The following RHBDL3 variants were observed in gnomAD, a reference collection of about 807,000 sequenced individuals.
RHBDL3 encodes the protein rhomboid-related protein 3.
RHBDL3 carries 28 observed loss-of-function variants against 48.2 expected under a neutral mutation model. The observed-to-expected ratio is 0.58, with a 90% CI of 0.43 to 0.80. The LOEUF is 0.80. RHBDL3 is among the 30% of genes least tolerant of loss of function. The pLI, the probability that RHBDL3 is intolerant of heterozygous loss-of-function variation, is 0.00. For synonymous variants in RHBDL3, 208 were observed against 232.3 expected (o/e 0.90, Z 0.95); for missense variants, 464 against 542.7 (o/e 0.85, Z 1.44).
chr17:32,272,718 AT>A (rs1412831865), intron 2 of RHBDL3, among the ~76,000 whole-genome samples: 2 of 152,182 alleles, frequency 1.3e-5, no homozygotes, highest in African/African-American at 2.4e-5. Flanking sequence ...AATGCATTTG[AT>A]TGCTTTGGGC....
chr17:32,296,021 T>G (rs2040436978), intron 5 of RHBDL3, among the ~76,000 whole-genome samples: 1 of 151,720 alleles, frequency 6.6e-6, no homozygotes, highest in Admixed American at 6.6e-5. Context: ...GGTCAGGAGA[T>G]CAAGACCATC....
chr17:32,268,298 C>T (rs2039685698), intron 2 of RHBDL3, among the ~76,000 whole-genome samples: 1 of 152,202 alleles, frequency 6.6e-6, no homozygotes, highest in South Asian at 2.1e-4. Flanking sequence ...TTTCTACCTC[C>T]ACTATGGAGG....
chr17:32,324,276 C>T lies in RHBDL3; in HGVS notation c.*3047C>T, dbSNP rs2150768798. On this transcript the variant is annotated 3_prime_UTR_variant, in exon 9 of 9. Coordinates refer to ENST00000269051, the MANE Select transcript of RHBDL3 (RefSeq NM_138328.3). ...AAAGCTCCCTAATGAGGCTCTTTTGCCAGCTAATAGGACTCTCGATTTCCA... is the reference window on the plus strand; with the variant it reads ...AAAGCTCCCTAATGAGGCTCTTTTGTCAGCTAATAGGACTCTCGATTTCCA... 1 of 152,736 alleles carries T rather than the reference C, an allele frequency of 6.5e-6. No individual in the cohort carries two copies. The highest frequency in any genetic ancestry group is 2.1e-4 in the South Asian group (1 of 4,826). 9.5% of individuals were successfully genotyped at this position (152,736 alleles called of 1,614,324 possible).
intron 7 of RHBDL3, among the ~76,000 whole-genome samples, chr17:32,305,904 T>G (rs1013315299): frequency 1.5e-5 from 2 of 132,184 alleles, no homozygotes; most frequent in South Asian, 2.4e-4. Context: ...GGGGAGAGAG[T>G]GAGATTCTTT....
chr17:32,301,057 T>C (rs1296272865), intron 6 of RHBDL3, among the ~76,000 whole-genome samples: 1 of 152,088 alleles, frequency 6.6e-6, no homozygotes, highest in Non-Finnish European at 1.5e-5. Flanking sequence ...TTTTTTTGTA[T>C]TTTTAGTAGA....
intron 7 of RHBDL3, among the ~76,000 whole-genome samples, chr17:32,306,713 G>A (rs542877104): frequency 4.3e-4 from 65 of 152,146 alleles, no homozygotes; most frequent in Non-Finnish European, 8.4e-4. Flanking sequence ...TTGAGTTCAG[G>A]AGTTCAAGAC....
At chr17:32,308,993 G>C (rs1323478958) in intron 7 of RHBDL3, among the ~76,000 whole-genome samples, 1 of 150,986 alleles carries the variant, frequency 6.6e-6, no homozygotes, top group African/African-American at 2.4e-5. Context: ...TTGAACCTAG[G>C]AGGCAGAGGT....
At chr17:32,317,160 A>G (rs2040996041) in intron 8 of RHBDL3, among the ~76,000 whole-genome samples, 2 of 152,200 alleles carry the variant, frequency 1.3e-5, no homozygotes, top group African/African-American at 4.8e-5. Context: ...GGCATGAGCC[A>G]CCATGCCTGG....
At chr17:32,267,437 G>GGA (rs1428616993) in intron 1 of RHBDL3, among the ~76,000 whole-genome samples, 4 of 142,232 alleles carry the variant, frequency 2.8e-5, no homozygotes, top group Non-Finnish European at 6.2e-5. Context: ...TCCTGGGGGG[G>GGA]GAGGGGGGGG....
chr17:32,275,032 C>T (rs2039863165), intron 2 of RHBDL3, among the ~76,000 whole-genome samples: 1 of 152,166 alleles, frequency 6.6e-6, no homozygotes, highest in African/African-American at 2.4e-5. Context: ...TTGCTCCCCT[C>T]CTTCTCCCTG....
intron 2 of RHBDL3, among the ~76,000 whole-genome samples, chr17:32,283,463 A>G (rs1016024890): frequency 1.3e-5 from 2 of 151,702 alleles, no homozygotes; most frequent in East Asian, 2.0e-4. Context: ...AGCTGGGACT[A>G]CAGGCGCACA....
intron 8 of RHBDL3, 102 bp downstream of exon 8, chr17:32,316,394 A>G: frequency 1.2e-6 from 1 of 832,614 alleles, no homozygotes; most frequent in Non-Finnish European, 2.0e-6. Context: ...GTCAAGAAAA[A>G]AAAAGTGGGA....
intron 2 of RHBDL3, among the ~76,000 whole-genome samples, chr17:32,269,745 ATCAT>A (rs1373217670): frequency 2.0e-5 from 3 of 152,234 alleles, no homozygotes. Flanking sequence ...AACAAAGTGT[ATCAT>A]TCTTTTTTTT....
intron 5 of RHBDL3, among the ~76,000 whole-genome samples, chr17:32,296,099 G>A (rs1193263272): frequency 6.6e-6 from 1 of 151,662 alleles, no homozygotes; most frequent in Non-Finnish European, 1.5e-5. Context: ...CTGGTGGCAG[G>A]CGCCTGTAGT....
At chr17:32,281,729 G>A (rs990285258) in intron 2 of RHBDL3, among the ~76,000 whole-genome samples, 5 of 152,214 alleles carry the variant, frequency 3.3e-5, no homozygotes, top group Admixed American at 2.0e-4. Flanking sequence ...CAATGGAGGA[G>A]GTCAGAGCTG....
chr17:32,312,411 G>A (rs1033378709), intron 7 of RHBDL3, among the ~76,000 whole-genome samples: 1 of 151,990 alleles, frequency 6.6e-6, no homozygotes, highest in Admixed American at 6.6e-5. Context: ...CTCCAGCCTG[G>A]GCAATAGAGT....
intron 1 of RHBDL3, 116 bp downstream of exon 1, chr17:32,266,416 C>T: frequency 2.0e-6 from 1 of 495,944 alleles, no homozygotes; most frequent in Non-Finnish European, 3.3e-6. Flanking sequence ...GGGAGCGCCC[C>T]GGATTGGCCG....
At chr17:32,320,910 C>T in intron 8 of RHBDL3, 48 bp from the exon 9 acceptor site, 1 of 1,418,486 alleles carries the variant, frequency 7.0e-7, no homozygotes, top group Non-Finnish European at 9.9e-7. Flanking sequence ...GCCCTCAGCC[C>T]CTGCTCAGGG....
chr17:32,314,667 C>A (rs1261899197), intron 7 of RHBDL3, among the ~76,000 whole-genome samples: 2 of 152,182 alleles, frequency 1.3e-5, no homozygotes, highest in African/African-American at 4.8e-5. Flanking sequence ...CAGTGGGTGT[C>A]CGCCTTTGGG....
Sources: gnomAD v4.1 joint callset for allele counts (sites outside exome capture counted in the v4.1 genomes callset) on GRCh38, gnomAD v4.1.1 for gene constraint, MANE v1.5 for transcripts, NCBI Gene and HGNC (gene_info 2026-07-23, HGNC 2026-07-21) for gene names.